ZRANB3: variants seen among roughly 807,000 people sequenced by gnomAD.
ZRANB3 encodes zinc finger RANBP2-type containing 3.
ZRANB3 carries 125 observed loss-of-function variants against 133.8 expected under a neutral mutation model. That is an observed-to-expected ratio of 0.93 (90% CI 0.81 to 1.08). The LOEUF (loss-of-function observed/expected upper bound fraction) is 1.08, where lower values mean the gene tolerates loss of function less well. Ranked by LOEUF, ZRANB3 falls within the 50% of genes least tolerant of loss-of-function variation. ZRANB3 has a pLI of 0.00. For missense variants in ZRANB3, 1,229 were observed against 1,275.5 expected, an observed-to-expected ratio of 0.96 and a Z score of 0.56; for synonymous variants, 387 against 432.7, an observed-to-expected ratio of 0.89 and a Z score of 1.31.
intron 2 of ZRANB3, among the ~76,000 whole-genome samples, chr2:135,446,939 G>C (rs1037891805): frequency 5.9e-5 from 9 of 152,178 alleles, no homozygotes; most frequent in African/African-American, 2.2e-4. Flanking sequence ...TTCTCTTTAT[G>C]AAGTATCTCT....
At chr2:135,428,426 C>CAA (rs34645774) in intron 2 of ZRANB3, among the ~76,000 whole-genome samples, 12 of 75,142 alleles carry the variant, frequency 1.6e-4, no homozygotes, top group East Asian at 8.1e-4. Context: ...ACTTTGTTTC[C>CAA]AAAAAAAAAA....
chr2:135,399,328 C>T (rs989741436), intron 2 of ZRANB3, among the ~76,000 whole-genome samples: 4 of 152,100 alleles, frequency 2.6e-5, no homozygotes, highest in African/African-American at 9.7e-5. Context: ...AAAACTACAA[C>T]CTCAGATAGT....
intron 14 of ZRANB3, 138 bp from the exon 15 acceptor site, chr2:135,224,655 G>T: frequency 5.5e-6 from 3 of 543,614 alleles, no homozygotes; most frequent in Non-Finnish European, 9.3e-6. Context: ...TAATTGTCTA[G>T]GCTTGAAATA....
At chr2:135,239,035 A>G (rs1362763940) in intron 12 of ZRANB3, among the ~76,000 whole-genome samples, 2 of 152,188 alleles carry the variant, frequency 1.3e-5, no homozygotes, top group African/African-American at 4.8e-5. Context: ...ATACAAGGCT[A>G]TTGTTGTCTT....
intron 11 of ZRANB3, among the ~76,000 whole-genome samples, chr2:135,267,101 A>G (rs1355523625): frequency 6.6e-6 from 1 of 152,174 alleles, no homozygotes; most frequent in African/African-American, 2.4e-5. Context: ...ATCTCTTAAA[A>G]TATTTTACAG....
At chr2:135,403,898 G>A (rs933559569) in intron 2 of ZRANB3, among the ~76,000 whole-genome samples, 3 of 152,192 alleles carry the variant, frequency 2.0e-5, no homozygotes, top group Non-Finnish European at 4.4e-5. Context: ...GGTCCTGACT[G>A]TTAGAAGGAA....
intron 1 of ZRANB3, among the ~76,000 whole-genome samples, chr2:135,505,437 G>A (rs1260162971): frequency 6.6e-6 from 1 of 152,080 alleles, no homozygotes; most frequent in African/African-American, 2.4e-5. Flanking sequence ...AGCTGGGCGT[G>A]GTGGCGCTCG....
chr2:135,518,317 C>G (rs1424758528), intron 1 of ZRANB3, among the ~76,000 whole-genome samples: 2 of 152,164 alleles, frequency 1.3e-5, no homozygotes, highest in African/African-American at 4.8e-5. Flanking sequence ...AAAAAAACTC[C>G]TGCAGCTAGC....
At chr2:135,301,028 T>C (rs986951833) in intron 8 of ZRANB3, among the ~76,000 whole-genome samples, 1 of 151,872 alleles carries the variant, frequency 6.6e-6, no homozygotes, top group Non-Finnish European at 1.5e-5. Flanking sequence ...AGAAGAGGAA[T>C]TCCTCCTCTT....
intron 2 of ZRANB3, among the ~76,000 whole-genome samples, chr2:135,418,454 T>A (rs1172558536): frequency 6.6e-6 from 1 of 152,234 alleles, no homozygotes; most frequent in Non-Finnish European, 1.5e-5. Flanking sequence ...TTTAGAGGTT[T>A]TTTTTTAAAA....
At chr2:135,475,571 G>C (rs1162088571) in intron 2 of ZRANB3, among the ~76,000 whole-genome samples, 1 of 152,170 alleles carries the variant, frequency 6.6e-6, no homozygotes, top group Non-Finnish European at 1.5e-5. Context: ...CCTAAAGCCA[G>C]CTTTGGCTAA....
chr2:135,423,905 A>G (rs1477745211), intron 2 of ZRANB3, among the ~76,000 whole-genome samples: 1 of 152,238 alleles, frequency 6.6e-6, no homozygotes, highest in East Asian at 1.9e-4. Context: ...AATAATCTAC[A>G]GCAAAGACTG....
chr2:135,457,972 T>A (rs1055879334), intron 2 of ZRANB3, among the ~76,000 whole-genome samples: 2 of 152,134 alleles, frequency 1.3e-5, no homozygotes, highest in African/African-American at 4.8e-5. Context: ...GTCATATCTA[T>A]GAAGCCACTG....
chr2:135,495,228 TA>T (rs919941415), intron 2 of ZRANB3, among the ~76,000 whole-genome samples: 2 of 152,030 alleles, frequency 1.3e-5, no homozygotes, highest in East Asian at 1.9e-4. Flanking sequence ...ATCATGTTTC[TA>T]AAAAAACAAA....
At chr2:135,213,137 C>A (rs1446419883) in intron 17 of ZRANB3, among the ~76,000 whole-genome samples, 1 of 151,554 alleles carries the variant, frequency 6.6e-6, no homozygotes, top group Non-Finnish European at 1.5e-5. Context: ...CAGAACCATT[C>A]AGTACTTTTA....
intron 12 of ZRANB3, among the ~76,000 whole-genome samples, chr2:135,244,512 G>A (rs559619789): frequency 2.6e-5 from 4 of 152,218 alleles, no homozygotes; most frequent in Admixed American, 6.5e-5. Flanking sequence ...GGAGGCTGAC[G>A]CACGAGAATC....
chr2:135,293,529 T>C (rs1681875095), intron 8 of ZRANB3, among the ~76,000 whole-genome samples: 1 of 152,232 alleles, frequency 6.6e-6, no homozygotes, highest in South Asian at 2.1e-4. Context: ...TATACAATCA[T>C]GTCATCTGCA....
At chr2:135,341,831 G>A (rs941493975) in intron 6 of ZRANB3, among the ~76,000 whole-genome samples, 5 of 150,020 alleles carry the variant, frequency 3.3e-5, no homozygotes, top group Non-Finnish European at 7.3e-5. Flanking sequence ...GCGCCCCCAG[G>A]CTTACTAGGA....
At chr2:135,205,910 G>A (rs577038965) in intron 19 of ZRANB3, among the ~76,000 whole-genome samples, 9 of 152,208 alleles carry the variant, frequency 5.9e-5, no homozygotes, top group Non-Finnish European at 8.8e-5. Flanking sequence ...AAGGGGAATC[G>A]CCAGACCATA....
Sources: allele counts gnomAD v4.1 joint callset (sites outside exome capture counted in the v4.1 genomes callset), GRCh38; gene constraint gnomAD v4.1.1; transcripts MANE v1.5; gene names NCBI Gene and HGNC (gene_info 2026-07-23, HGNC 2026-07-21).